The following RANBP17 variants were observed in gnomAD, a reference collection of about 807,000 sequenced individuals.
RANBP17 encodes the protein RAN binding protein 17, also known as ran-binding protein 17.
RANBP17 carries 158 observed loss-of-function variants against 141.2 expected under a neutral mutation model. The ratio of observed to expected loss-of-function variants is 1.12; its 90% CI spans 0.98 to 1.28. RANBP17 has a LOEUF of 1.28. Ranked by LOEUF, RANBP17 falls within the 50% of genes most tolerant of loss-of-function variation. The pLI is 0.00. For missense variants in RANBP17, 1,438 were observed against 1,290.7 expected, an observed-to-expected ratio of 1.11 and a Z score of -1.75; for synonymous variants, 430 against 450.0, an observed-to-expected ratio of 0.96 and a Z score of 0.56.
chr5:171,005,903 AAAAC>A (rs1027290461), intron 14 of RANBP17, among the ~76,000 whole-genome samples: 51 of 152,270 alleles, frequency 3.3e-4, no homozygotes, highest in Admixed American at 9.8e-4. Context: ...TACAAGAAAA[AAAAC>A]AAACAACCCC....
chr5:171,009,931 A>G (rs1454221725), intron 14 of RANBP17, among the ~76,000 whole-genome samples: 1 of 152,126 alleles, frequency 6.6e-6, no homozygotes, highest in African/African-American at 2.4e-5. Flanking sequence ...CATTTATCTG[A>G]CTTATTCTTT....
chr5:171,133,704 C>G (rs866217037), intron 14 of RANBP17, among the ~76,000 whole-genome samples: 19 of 152,320 alleles, frequency 1.2e-4, no homozygotes, highest in Middle Eastern at 6.8e-3. Context: ...GGAAAATTGA[C>G]AGAAACTTAG....
At chr5:171,266,527 A>G (rs1305289723) in intron 25 of RANBP17, among the ~76,000 whole-genome samples, 1 of 152,212 alleles carries the variant, frequency 6.6e-6, no homozygotes. Context: ...CAGTACCTGT[A>G]GTACCAGCTG....
chr5:170,913,974 G>A (rs1489706698), intron 7 of RANBP17, among the ~76,000 whole-genome samples, 193 bp from the exon 8 acceptor site: 1 of 152,056 alleles, frequency 6.6e-6, no homozygotes, highest in African/African-American at 2.4e-5. Context: ...ATGAGGAAGA[G>A]CCTGGCTAGT....
intron 1 of RANBP17, among the ~76,000 whole-genome samples, chr5:170,877,509 G>A (rs540862691): frequency 1.3e-4 from 20 of 152,076 alleles, no homozygotes; most frequent in Non-Finnish European, 2.4e-4. Flanking sequence ...CGATCCTTCC[G>A]CCTTGGCCTC....
Position 171,155,093 on chromosome 5 carries a change from AAATATAT to A in RANBP17, c.1711-15035_1711-15029del, listed in dbSNP as rs1259015573. Among the ~76,000 whole-genome samples the A allele has an allele frequency of 2.6e-4, 28 of 107,614 alleles. No homozygotes were observed. The East Asian group carries it at 7.0e-3, about 27-fold the overall frequency. The allele number at this position is 107,614 out of a possible 152,430, so 70.6% of individuals were successfully genotyped here. ...ACTCCATCTAGAAAAAAAAAAAAAA[AAATATAT>A]ATATATATATATATATATATGTACA... is the stretch of plus-strand genomic sequence containing the variant. On this transcript the variant is annotated intron_variant, in intron 14 of 27. Transcript: ENST00000523189.
intron 22 of RANBP17, among the ~76,000 whole-genome samples, chr5:171,239,214 T>C (rs1289389734): frequency 6.6e-6 from 1 of 152,186 alleles, no homozygotes; most frequent in East Asian, 1.9e-4. Flanking sequence ...GTCATTCAGA[T>C]ATATAAATTA....
intron 14 of RANBP17, among the ~76,000 whole-genome samples, chr5:171,028,461 C>T (rs1357483443): frequency 6.6e-6 from 1 of 152,078 alleles, no homozygotes. Context: ...TAAATCACTG[C>T]TAGCATAGCT....
At chr5:171,218,212 C>G (rs980451744) in intron 21 of RANBP17, among the ~76,000 whole-genome samples, 8 of 152,198 alleles carry the variant, frequency 5.3e-5, no homozygotes, top group African/African-American at 1.9e-4. Context: ...GAGTGAGTCT[C>G]TTAATCCTGA....
chr5:171,279,903 C>G (rs11743957), intron 25 of RANBP17, among the ~76,000 whole-genome samples: 1 of 152,234 alleles, frequency 6.6e-6, no homozygotes, highest in South Asian at 2.1e-4. Flanking sequence ...TAATACCACA[C>G]TAAGTTTTCG....
intron 14 of RANBP17, among the ~76,000 whole-genome samples, chr5:171,054,216 C>T (rs2127657703): frequency 6.6e-6 from 1 of 151,938 alleles, no homozygotes; most frequent in South Asian, 2.1e-4. Flanking sequence ...TTTTTGTTCA[C>T]TTGTTCATTT....
At chr5:171,071,812 T>G (rs1784651489) in intron 14 of RANBP17, among the ~76,000 whole-genome samples, 3 of 152,156 alleles carry the variant, frequency 2.0e-5, no homozygotes, top group East Asian at 3.9e-4. Context: ...AATTTTGACT[T>G]AGGTGATGAG....
intron 14 of RANBP17, among the ~76,000 whole-genome samples, chr5:171,083,075 T>C (rs2127712488): frequency 6.6e-6 from 1 of 152,320 alleles, no homozygotes; most frequent in South Asian, 2.1e-4. Flanking sequence ...TTTTCTTTTC[T>C]TGTTTGACTT....
chr5:171,298,692 C>T, intron 27 of RANBP17, 70 bp from the exon 28 acceptor site: 3 of 1,258,240 alleles, frequency 2.4e-6, no homozygotes, highest in Admixed American at 1.8e-5. Context: ...CCAAAATGGC[C>T]TTATCGTCCA....
At chr5:171,231,083 C>T (rs1764179829) in intron 22 of RANBP17, among the ~76,000 whole-genome samples, 3 of 148,588 alleles carry the variant, frequency 2.0e-5, no homozygotes, top group Admixed American at 2.0e-4. Flanking sequence ...ACTACAGGCA[C>T]GTACCACCAT....
At chr5:171,099,087 G>T (rs1786924350) in intron 14 of RANBP17, among the ~76,000 whole-genome samples, 1 of 152,076 alleles carries the variant, frequency 6.6e-6, no homozygotes, top group Non-Finnish European at 1.5e-5. Flanking sequence ...GATTGTCATG[G>T]CTATACGGGC....
At chr5:171,278,158 G>A (rs965406570) in intron 25 of RANBP17, among the ~76,000 whole-genome samples, 1 of 151,776 alleles carries the variant, frequency 6.6e-6, no homozygotes, top group Non-Finnish European at 1.5e-5. Flanking sequence ...GCTGAAGCAG[G>A]AGGATTGCTT....
chr5:170,937,936 A>G (rs1335725273), intron 12 of RANBP17, among the ~76,000 whole-genome samples: 1 of 152,164 alleles, frequency 6.6e-6, no homozygotes, highest in Non-Finnish European at 1.5e-5. Context: ...ATCCTCTGAA[A>G]GGCCTTTTAG....
intron 14 of RANBP17, among the ~76,000 whole-genome samples, chr5:171,063,600 G>GGGGGTCA (rs1368625346): frequency 1.3e-5 from 2 of 152,212 alleles, no homozygotes; most frequent in African/African-American, 4.8e-5. Context: ...TAGGCTGCTC[G>GGGGGTCA]GGGGTCAGGG....
Sources: gnomAD v4.1 joint callset for allele counts (sites outside exome capture counted in the v4.1 genomes callset) on GRCh38, gnomAD v4.1.1 for gene constraint, MANE v1.5 for transcripts, NCBI Gene and HGNC (gene_info 2026-07-23, HGNC 2026-07-21) for gene names.